Variants in FAM53A observed in about 807,000 individuals in gnomAD.
The protein encoded by FAM53A is protein FAM53A.
Under a neutral mutation model 26.6 loss-of-function variants are expected in FAM53A, and 28 were observed. The observed-to-expected ratio is 1.05, with a 90% CI of 0.78 to 1.45. FAM53A has a LOEUF of 1.45. Ranked by LOEUF, FAM53A falls within the 40% of genes most tolerant of loss-of-function variation. FAM53A has a pLI of 0.00. For synonymous variants in FAM53A, 290 were observed against 253.1 expected (o/e 1.15, Z -1.38); for missense variants, 650 against 575.8 (o/e 1.13, Z -1.32).
chr4:1,601,960 G>A, the FAM53A span, among the ~76,000 whole-genome samples: 1 of 149,528 alleles, frequency 6.7e-6, no homozygotes, highest in African/African-American at 2.5e-5. Flanking sequence ...GTGGGCCGGG[G>A]GAGATGGGAT....
the FAM53A span, among the ~76,000 whole-genome samples, chr4:1,610,075 G>A: frequency 6.6e-5 from 10 of 151,726 alleles, no homozygotes; most frequent in Non-Finnish European, 1.0e-4. Flanking sequence ...CCCCGAGATG[G>A]GTGTCTCAGC....
At chr4:1,590,352 C>A in the FAM53A span, among the ~76,000 whole-genome samples, 1 of 152,178 alleles carries the variant, frequency 6.6e-6, no homozygotes, top group Non-Finnish European at 1.5e-5. Flanking sequence ...CCTCCCTTTT[C>A]TCCTGTGCCC....
chr4:1,621,101 C>CTGTTTTTTT (rs1715010523), intron 1 of FAM53A, among the ~76,000 whole-genome samples: 1 of 95,488 alleles, frequency 1.0e-5, no homozygotes, highest in African/African-American at 4.1e-5. Context: ...AGCTACGCTA[C>CTGTTTTTTT]TTTTTTTTTT....
the FAM53A span, among the ~76,000 whole-genome samples, chr4:1,593,613 G>T: frequency 1.3e-5 from 2 of 152,186 alleles, no homozygotes; most frequent in Non-Finnish European, 2.9e-5. Context: ...GTCTGGACCA[G>T]CCAGGCCGGA....
chr4:1,580,123 T>G, the FAM53A span: 1 of 152,198 alleles, frequency 6.6e-6, no homozygotes, highest in Non-Finnish European at 1.5e-5. Context: ...GTTGATAGAT[T>G]TTTAAATTAA....
chr4:1,675,646 G>T (rs1225701949), intron 1 of FAM53A, among the ~76,000 whole-genome samples: 1 of 152,110 alleles, frequency 6.6e-6, no homozygotes, highest in Admixed American at 6.5e-5. Flanking sequence ...GATCCTCAAG[G>T]TCTGGAGGAC....
At chr4:1,584,662 T>A in the FAM53A span, among the ~76,000 whole-genome samples, 2,168 of 152,316 alleles carry the variant, frequency 0.014, 66 homozygotes, top group African/African-American at 0.05. Context: ...AGGCTGGCTG[T>A]CAGCTGGGAG....
chr4:1,684,985 G>A (rs1715722691), upstream of FAM53A, among the ~76,000 whole-genome samples: 1 of 152,092 alleles, frequency 6.6e-6, no homozygotes, highest in Non-Finnish European at 1.5e-5. Context: ...AGAGGGTGGC[G>A]GGCAGCGGAA....
At position 1,654,950 on chromosome 4, in the gene FAM53A, T is replaced by C. The variant is rs780934602; in HGVS notation, c.882+28A>G. 5 of 1,499,974 alleles carry C rather than the reference T, an allele frequency of 3.3e-6. No individual in the cohort carries two copies. The African/African-American group carries it at 5.8e-5, about 17-fold the overall frequency. The allele number at this position is 1,499,974 out of a possible 1,614,324, so 92.9% of individuals were successfully genotyped here. A position where few individuals can be genotyped will look rare whatever the true frequency, so the allele number is the denominator to read the frequency against. On this transcript the variant is annotated intron_variant, in intron 4 of 4. Coordinates refer to ENST00000308132, the MANE Select transcript of FAM53A (RefSeq NM_001174070.3). ...CGCCCTGTCCAGATCTACGCCCCTCTGAGCCCCTGGAAATAAGAAAGCCTC... is the reference window on the plus strand; with the variant it reads ...CGCCCTGTCCAGATCTACGCCCCTCCGAGCCCCTGGAAATAAGAAAGCCTC...
chr4:1,587,698 C>G, the FAM53A span, among the ~76,000 whole-genome samples: 1 of 152,166 alleles, frequency 6.6e-6, no homozygotes, highest in South Asian at 2.1e-4. Flanking sequence ...CCTCCCTTTC[C>G]AAAGACATAT....
At chr4:1,617,467 A>G (rs1714851586), downstream of FAM53A, among the ~76,000 whole-genome samples, 1 of 152,182 alleles carries the variant, frequency 6.6e-6, no homozygotes, top group Admixed American at 6.5e-5. Flanking sequence ...CCCACCTATA[A>G]CATATCATAA....
intron 1 of FAM53A, among the ~76,000 whole-genome samples, chr4:1,634,689 G>A (rs1176302906): frequency 6.6e-6 from 1 of 152,138 alleles, no homozygotes; most frequent in African/African-American, 2.4e-5. Flanking sequence ...CCTGAGGTCA[G>A]GAGTTCAAGA....
At chr4:1,613,698 C>T (rs772776913), downstream of FAM53A, among the ~76,000 whole-genome samples, 5 of 152,136 alleles carry the variant, frequency 3.3e-5, no homozygotes, top group East Asian at 1.9e-4. Flanking sequence ...CCAGGTGTGC[C>T]GGGACAGCTC....
intron 1 of FAM53A, among the ~76,000 whole-genome samples, chr4:1,676,566 G>C (rs1205917951): frequency 6.6e-6 from 1 of 152,056 alleles, no homozygotes; most frequent in Non-Finnish European, 1.5e-5. Flanking sequence ...AACCAATACT[G>C]AGCTACTCCC....
At chr4:1,582,577 G>A in the FAM53A span, among the ~76,000 whole-genome samples, 100,242 of 152,094 alleles carry the variant, frequency 0.66, 33,609 homozygotes, top group East Asian at 0.8. Context: ...CACCCAGCCC[G>A]AGATCAGTCC....
intron 1 of FAM53A, among the ~76,000 whole-genome samples, chr4:1,631,482 G>A (rs1253684373): frequency 6.6e-6 from 1 of 152,210 alleles, no homozygotes; most frequent in African/African-American, 2.4e-5. Context: ...TGTCCCTGGA[G>A]TGTGTCCCCC....
At chr4:1,605,747 C>T in the FAM53A span, among the ~76,000 whole-genome samples, 1 of 152,126 alleles carries the variant, frequency 6.6e-6, no homozygotes. This position sits in a 1 kb window ranked among gnomAD's most constrained non-coding sequence, Gnocchi z 5.7. Flanking sequence ...AGGCACCGCC[C>T]GCAGCAGTTC....
chr4:1,662,952 T>C (rs1713948419), intron 2 of FAM53A, among the ~76,000 whole-genome samples: 1 of 152,080 alleles, frequency 6.6e-6, no homozygotes, highest in South Asian at 2.1e-4. Context: ...CCCACCACTC[T>C]GGGGGGCCGA....
intron 2 of FAM53A, among the ~76,000 whole-genome samples, chr4:1,658,670 C>G (rs1035779031): frequency 6.6e-6 from 1 of 152,236 alleles, no homozygotes; most frequent in Non-Finnish European, 1.5e-5. Flanking sequence ...TCTTCCCTAC[C>G]CCATGAAGTG....
Sources: allele counts gnomAD v4.1 joint callset (sites outside exome capture counted in the v4.1 genomes callset), GRCh38; gene constraint gnomAD v4.1.1; non-coding constraint Gnocchi (gnomAD v3.1); transcripts MANE v1.5; gene names NCBI Gene and HGNC (gene_info 2026-07-23, HGNC 2026-07-21).